The following ZSWIM6 variants were observed in gnomAD, a reference collection of about 807,000 sequenced individuals.
The protein encoded by ZSWIM6 is zinc finger SWIM domain-containing protein 6.
ZSWIM6 carries 9 observed loss-of-function variants against 113.2 expected under a neutral mutation model. That is an observed-to-expected ratio of 0.08 (90% CI 0.05 to 0.14). The LOEUF (loss-of-function observed/expected upper bound fraction) is 0.14, where lower values mean the gene tolerates loss of function less well. Among genes scored for constraint, ZSWIM6 ranks in the 10% least tolerant of loss-of-function variants. ZSWIM6 has a pLI of 1.00. For missense variants in ZSWIM6, 1,162 were observed against 1,552.2 expected (o/e 0.75, Z 4.22); for synonymous variants, 611 against 606.5 (o/e 1.01, Z -0.11).
chr5:61,532,647 A>G (rs777583942), intron 9 of ZSWIM6, among the ~76,000 whole-genome samples: 1 of 152,218 alleles, frequency 6.6e-6, no homozygotes, highest in Non-Finnish European at 1.5e-5. Flanking sequence ...CTTCAAACAT[A>G]CTTTACTTTT....
chr5:61,391,093 G>T (rs1745698072), intron 1 of ZSWIM6: 6 of 741,404 alleles, frequency 8.1e-6, no homozygotes, highest in Admixed American at 3.5e-5. Context: ...GGCCACAGGG[G>T]CAGGATGCTG....
intron 1 of ZSWIM6, among the ~76,000 whole-genome samples, chr5:61,470,193 C>T (rs35720241): frequency 0.016 from 2,371 of 152,258 alleles, 48 homozygotes; most frequent in South Asian, 0.045. Flanking sequence ...GAGACAAAGA[C>T]ATTGAGTTGG....
intron 4 of ZSWIM6, among the ~76,000 whole-genome samples, chr5:61,512,156 T>C (rs1464705785): frequency 1.3e-5 from 2 of 152,134 alleles, no homozygotes; most frequent in African/African-American, 4.8e-5. Context: ...CAACCACTGA[T>C]CTGTTCTCAG....
At chr5:61,333,419 C>T (rs1003707821) in intron 1 of ZSWIM6, among the ~76,000 whole-genome samples, 1 of 151,890 alleles carries the variant, frequency 6.6e-6, no homozygotes, top group Non-Finnish European at 1.5e-5. Context: ...CCCTCTCCCA[C>T]TGCCTGTCGC....
At chr5:61,335,419 A>G (rs1243249051) in intron 1 of ZSWIM6, among the ~76,000 whole-genome samples, 1 of 152,280 alleles carries the variant, frequency 6.6e-6, no homozygotes, top group Non-Finnish European at 1.5e-5. Flanking sequence ...ACTGAGAGAT[A>G]GAACACTTAT....
intron 1 of ZSWIM6, among the ~76,000 whole-genome samples, chr5:61,343,465 C>T (rs187730942): frequency 3.9e-5 from 6 of 152,292 alleles, no homozygotes; most frequent in African/African-American, 7.2e-5. Flanking sequence ...AATTCTCTTA[C>T]GTAATTACAA....
At chr5:61,497,737 T>A (rs1748361141) in intron 4 of ZSWIM6, among the ~76,000 whole-genome samples, 1 of 152,212 alleles carries the variant, frequency 6.6e-6, no homozygotes, top group South Asian at 2.1e-4. Context: ...CATAATCAGC[T>A]ATAAGAAAAG....
chr5:61,535,320 T>C (rs1214162239), intron 9 of ZSWIM6, among the ~76,000 whole-genome samples, 164 bp from the exon 10 acceptor site: 1 of 152,236 alleles, frequency 6.6e-6, no homozygotes, highest in Admixed American at 6.5e-5. Context: ...TGCTATACCC[T>C]GAAGAATCTT....
At chr5:61,467,988 C>A (rs79245278) in intron 1 of ZSWIM6, among the ~76,000 whole-genome samples, 4,083 of 152,198 alleles carry the variant, frequency 0.027, 173 homozygotes, top group South Asian at 0.19. Flanking sequence ...TGTGTCCACA[C>A]CCCTCCCCTG....
chr5:61,373,158 G>T (rs1579959647), intron 1 of ZSWIM6, among the ~76,000 whole-genome samples: 1 of 152,058 alleles, frequency 6.6e-6, no homozygotes, highest in Admixed American at 6.5e-5. Flanking sequence ...TGTTGCCCAG[G>T]CTGGTTTTGA....
At chr5:61,419,819 G>A (rs915746933) in intron 1 of ZSWIM6, among the ~76,000 whole-genome samples, 2 of 152,174 alleles carry the variant, frequency 1.3e-5, no homozygotes, top group African/African-American at 4.8e-5. Flanking sequence ...ATGAATTACA[G>A]AACAGGATAT....
At chr5:61,497,103 C>G (rs1314028849) in intron 4 of ZSWIM6, among the ~76,000 whole-genome samples, 1 of 122,016 alleles carries the variant, frequency 8.2e-6, no homozygotes, top group Non-Finnish European at 1.7e-5. Flanking sequence ...ACCAGTACAC[C>G]AGGAAAAAAA....
At chr5:61,368,030 G>A (rs1245300023) in intron 1 of ZSWIM6, among the ~76,000 whole-genome samples, 1 of 152,158 alleles carries the variant, frequency 6.6e-6, no homozygotes, top group Non-Finnish European at 1.5e-5. Context: ...GGGAGGCTGA[G>A]GCAGGGGGAT....
Position 61,530,160 on chromosome 5 carries a change from TTGA to T in ZSWIM6, c.1953_1955del (p.Asp651del). 1 of 1,551,952 alleles carries T rather than the reference TTGA, an allele frequency of 6.4e-7. No individual in the cohort carries two copies. The highest frequency in any genetic ancestry group is 8.7e-7 in the Non-Finnish European group (1 of 1,146,928). On this transcript the variant is annotated inframe_deletion, in exon 8 of 14. Transcript: ENST00000252744. ...AGTAGCCTTATGGAAGCCTGCCGCATTGATGATGAGAACCTCTCTGGGTTCTCA... is the reference window on the plus strand; with the variant it reads ...AGTAGCCTTATGGAAGCCTGCCGCATTGATGAGAACCTCTCTGGGTTCTCA...
At chr5:61,486,038 G>A (rs892085286) in intron 2 of ZSWIM6, among the ~76,000 whole-genome samples, 1 of 152,134 alleles carries the variant, frequency 6.6e-6, no homozygotes, top group African/African-American at 2.4e-5. Flanking sequence ...TCATGGTGGT[G>A]TGTAGTCTGG....
chr5:61,516,799 G>A (rs1473239343), intron 4 of ZSWIM6, among the ~76,000 whole-genome samples: 1 of 151,466 alleles, frequency 6.6e-6, no homozygotes, highest in East Asian at 1.9e-4. Context: ...ATTTCTCCTC[G>A]GCATAAAGAA....
intron 10 of ZSWIM6, among the ~76,000 whole-genome samples, chr5:61,535,950 T>C (rs1478279194): frequency 6.6e-6 from 1 of 152,154 alleles, no homozygotes; most frequent in Non-Finnish European, 1.5e-5. Context: ...TTTGAAAAAA[T>C]TGATTTTTGA....
chr5:61,362,201 CT>C (rs111319467), intron 1 of ZSWIM6, among the ~76,000 whole-genome samples: 279 of 144,708 alleles, frequency 1.9e-3, no homozygotes, highest in African/African-American at 4.5e-3. Context: ...TTCTTACTCA[CT>C]TTTTTTTTTT....
chr5:61,423,606 A>G (rs982756128), intron 1 of ZSWIM6, among the ~76,000 whole-genome samples: 1 of 152,180 alleles, frequency 6.6e-6, no homozygotes, highest in Admixed American at 6.5e-5. Flanking sequence ...ATCTTCAGCA[A>G]GTGATATTGC....
Sources: gnomAD v4.1 joint callset for allele counts (sites outside exome capture counted in the v4.1 genomes callset) on GRCh38, gnomAD v4.1.1 for gene constraint, MANE v1.5 for transcripts, NCBI Gene and HGNC (gene_info 2026-07-23, HGNC 2026-07-21) for gene names.